BCKDHB: variants seen among roughly 807,000 people sequenced by gnomAD.
The protein encoded by BCKDHB is branched chain keto acid dehydrogenase E1 subunit beta.
A neutral mutation model predicts 48.5 loss-of-function variants in BCKDHB; 41 were observed. The observed-to-expected ratio is 0.85, with a 90% CI of 0.66 to 1.10. The LOEUF (loss-of-function observed/expected upper bound fraction) is 1.10, where lower values mean the gene tolerates loss of function less well. Ranked by LOEUF, BCKDHB falls within the 50% of genes least tolerant of loss-of-function variation. The pLI, the probability that BCKDHB is intolerant of heterozygous loss-of-function variation, is 0.00. For missense variants in BCKDHB, 496 were observed against 494.2 expected, an observed-to-expected ratio of 1.00 and a Z score of -0.03; for synonymous variants, 201 against 174.8, an observed-to-expected ratio of 1.15 and a Z score of -1.18.
the BCKDHB span, among the ~76,000 whole-genome samples, chr6:80,404,833 A>C: frequency 7.9e-5 from 12 of 151,896 alleles, no homozygotes; most frequent in South Asian, 2.5e-3. Context: ...CTTAATTTCT[A>C]CATATTTGTG....
intron 8 of BCKDHB, among the ~76,000 whole-genome samples, chr6:80,260,571 A>G (rs1409472729): frequency 6.6e-6 from 1 of 152,208 alleles, no homozygotes; most frequent in Non-Finnish European, 1.5e-5. Flanking sequence ...TCCAAATGCC[A>G]TAATTACCCA....
At chr6:80,247,001 C>A (rs1485661848) in intron 8 of BCKDHB, among the ~76,000 whole-genome samples, 2 of 151,910 alleles carry the variant, frequency 1.3e-5, no homozygotes, top group East Asian at 3.9e-4. Flanking sequence ...TATTTCTTTT[C>A]TTTGAGCCAG....
At chr6:80,397,293 C>A in the BCKDHB span, among the ~76,000 whole-genome samples, 1 of 151,964 alleles carries the variant, frequency 6.6e-6, no homozygotes, top group Non-Finnish European at 1.5e-5. Flanking sequence ...ACTTATATAC[C>A]CACCAGCTCT....
the BCKDHB span, among the ~76,000 whole-genome samples, chr6:80,366,900 A>AG: frequency 2.0e-5 from 3 of 152,228 alleles, no homozygotes; most frequent in African/African-American, 7.2e-5. Flanking sequence ...TTAGGAGGTG[A>AG]GCCATGTTCC....
the BCKDHB span, among the ~76,000 whole-genome samples, chr6:80,363,307 G>T: frequency 6.6e-6 from 1 of 152,252 alleles, no homozygotes; most frequent in Non-Finnish European, 1.5e-5. Context: ...ATGAGAATTT[G>T]ATTGAGCATA....
the BCKDHB span, among the ~76,000 whole-genome samples, chr6:80,367,678 C>T: frequency 1.6e-4 from 25 of 152,364 alleles, no homozygotes; most frequent in Admixed American, 4.6e-4. Context: ...AGCATAGCCT[C>T]TCAAGGCTTA....
At chr6:80,216,913 G>A (rs756751335) in intron 8 of BCKDHB, among the ~76,000 whole-genome samples, 2 of 152,124 alleles carry the variant, frequency 1.3e-5, no homozygotes, top group African/African-American at 2.4e-5. Context: ...AAACTGTGAT[G>A]TACAAAGGTT....
chr6:80,375,589 T>C, the BCKDHB span, among the ~76,000 whole-genome samples: 2 of 152,168 alleles, frequency 1.3e-5, no homozygotes, highest in Non-Finnish European at 2.9e-5. Context: ...AAGTTGGACT[T>C]ACCTTTTCTC....
chr6:80,200,905 C>CT (rs374325532), intron 6 of BCKDHB, 29 bp from the exon 7 acceptor site: 47,411 of 1,128,182 alleles, frequency 0.042, no homozygotes, highest in Non-Finnish European at 0.047. Context: ...AAAAAATGTC[C>CT]TTTTTTTTTT....
At chr6:80,448,187 G>A in the BCKDHB span, among the ~76,000 whole-genome samples, 1 of 152,060 alleles carries the variant, frequency 6.6e-6, no homozygotes, top group Admixed American at 6.6e-5. Flanking sequence ...CCCTGAGACT[G>A]GAAGACTTTT....
chr6:80,446,753 C>T, the BCKDHB span, among the ~76,000 whole-genome samples: 2 of 117,756 alleles, frequency 1.7e-5, no homozygotes, highest in Non-Finnish European at 3.3e-5. Flanking sequence ...TGGTCAGGAG[C>T]ATTCTCTCTT....
chr6:80,106,868 G>A lies in BCKDHB; in HGVS notation c.175G>A (p.Asp59Asn), dbSNP rs762735395. ...GGTGGCTCATTTTACTTTCCAGCCA[G>A]ATCCGGAGCCCCGGGAGTACGGTGA... Reference protein sequence around the residue: ...RQVAHFTFQPDPEPREYGQTQ... With the variant: ...RQVAHFTFQPNPEPREYGQTQ... Residue 59 changes from aspartate (D) to asparagine (N), a missense_variant, in exon 1 of 10, where the codon GAT becomes AAT. Physicochemically the swap from Asp to Asn is conservative, Grantham distance 23 (BLOSUM62 1). Transcript: ENST00000320393. 5.6e-6 allele frequency: 9 copies of A among 1,609,078 alleles called. No individual in the cohort carries two copies.
At chr6:80,430,692 T>C in the BCKDHB span, among the ~76,000 whole-genome samples, 1 of 152,118 alleles carries the variant, frequency 6.6e-6, no homozygotes, top group East Asian at 1.9e-4. Context: ...TTATTGCATC[T>C]ATTTGATTCT....
At chr6:80,300,855 G>T (rs1403322862) in intron 9 of BCKDHB, among the ~76,000 whole-genome samples, 1 of 152,058 alleles carries the variant, frequency 6.6e-6, no homozygotes, top group African/African-American at 2.4e-5. Context: ...ATCAAGAAGA[G>T]CTCTCAAAGC....
chr6:80,401,914 G>A, the BCKDHB span, among the ~76,000 whole-genome samples: 1 of 151,586 alleles, frequency 6.6e-6, no homozygotes, highest in Admixed American at 6.6e-5. Context: ...ACAAAAGTCA[G>A]GATTTCCTTT....
At chr6:80,401,989 C>A in the BCKDHB span, among the ~76,000 whole-genome samples, 9 of 151,758 alleles carry the variant, frequency 5.9e-5, no homozygotes, top group African/African-American at 1.9e-4. Flanking sequence ...ATTGTGTGTT[C>A]TACAGTGTCT....
chr6:80,276,978 C>T (rs1011920111), intron 9 of BCKDHB, among the ~76,000 whole-genome samples: 1 of 151,952 alleles, frequency 6.6e-6, no homozygotes, highest in South Asian at 2.1e-4. Context: ...ATATTTGGCC[C>T]CACTCTGGGG....
intron 9 of BCKDHB, among the ~76,000 whole-genome samples, chr6:80,314,377 G>A (rs1294364196): frequency 2.0e-5 from 3 of 152,184 alleles, no homozygotes; most frequent in African/African-American, 7.2e-5. Context: ...GACCCCTTTT[G>A]TCCCTGATCC....
At chr6:80,154,705 A>G (rs919751592) in intron 3 of BCKDHB, among the ~76,000 whole-genome samples, 13 of 152,172 alleles carry the variant, frequency 8.5e-5, no homozygotes, top group Non-Finnish European at 1.8e-4. Context: ...AGTACTTTTA[A>G]AAATTTGTGC....
Sources: allele counts gnomAD v4.1 joint callset (sites outside exome capture counted in the v4.1 genomes callset), GRCh38; gene constraint gnomAD v4.1.1; transcripts MANE v1.5; gene names NCBI Gene and HGNC (gene_info 2026-07-23, HGNC 2026-07-21).